LHX6: variants seen among roughly 807,000 people sequenced by gnomAD.
LHX6 encodes LIM homeobox 6.
A neutral mutation model predicts 47.1 loss-of-function variants in LHX6; 15 were observed. That is an observed-to-expected ratio of 0.32 (90% confidence interval 0.21 to 0.49). LHX6 has a LOEUF of 0.49. LHX6 is among the 20% of genes least tolerant of loss of function. The pLI, the probability that LHX6 is intolerant of heterozygous loss-of-function variation, is 0.99. For synonymous variants in LHX6, 242 were observed against 233.5 expected, an observed-to-expected ratio of 1.04 and a Z score of -0.33; for missense variants, 404 against 539.6, an observed-to-expected ratio of 0.75 and a Z score of 2.49.
chr9:122,221,229 A>T (rs745843733), intron 4 of LHX6: 21 of 984,934 alleles, frequency 2.1e-5, no homozygotes, highest in Non-Finnish European at 2.5e-5. Flanking sequence ...AGAGGGGGAA[A>T]AAAAACCCAG....
chr9:122,224,273 C>G (rs1462404927), intron 4 of LHX6, among the ~76,000 whole-genome samples: 1 of 152,122 alleles, frequency 6.6e-6, no homozygotes, highest in African/African-American at 2.4e-5. Flanking sequence ...GATCTACCAG[C>G]CTTGGCCTCC....
intron 9 of LHX6, among the ~76,000 whole-genome samples, chr9:122,205,427 T>G (rs1046360005): frequency 6.6e-6 from 1 of 152,240 alleles, no homozygotes; most frequent in Non-Finnish European, 1.5e-5. Context: ...AGATCAGGAC[T>G]GTCTGTCCCT....
chr9:122,204,950 A>C (rs1830116818), intron 9 of LHX6, among the ~76,000 whole-genome samples, 170 bp from the exon 10 acceptor site: 1 of 152,062 alleles, frequency 6.6e-6, no homozygotes, highest in Non-Finnish European at 1.5e-5. Flanking sequence ...AACTCACTGC[A>C]CCTCTCTGAG....
At chr9:122,224,323 C>G (rs140973752) in intron 4 of LHX6, among the ~76,000 whole-genome samples, 1 of 152,104 alleles carries the variant, frequency 6.6e-6, no homozygotes, top group Non-Finnish European at 1.5e-5. Context: ...CCACACCCGG[C>G]CCATCTGGCA....
intron 4 of LHX6, chr9:122,221,390 C>T (rs1309305174): frequency 1.0e-6 from 1 of 985,664 alleles, no homozygotes; most frequent in East Asian, 1.1e-4. Flanking sequence ...GGCCGCTTCC[C>T]GCTCTGCGCT....
chr9:122,219,892 T>G (rs1830767003), intron 4 of LHX6, among the ~76,000 whole-genome samples: 1 of 152,182 alleles, frequency 6.6e-6, no homozygotes, highest in South Asian at 2.1e-4. Context: ...CGCCGCGTCC[T>G]CTCTCCGGGC....
intron 1 of LHX6, chr9:122,227,921 A>G (rs1831178123): frequency 8.8e-6 from 3 of 342,350 alleles, no homozygotes; most frequent in Non-Finnish European, 1.6e-5. Flanking sequence ...TTTTAATGGT[A>G]GTAATTAAAA....
At position 122,204,269 on chromosome 9, in the gene LHX6, A is replaced by T. The variant is rs565594336; in HGVS notation, c.*491T>A. ...TAGAACATAGCTTTCCTTTGGGGAC[A>T]TCCCACAAACACTGTAGAGTTTTCC... On this transcript the variant is annotated 3_prime_UTR_variant, in exon 10 of 10. Coordinates refer to ENST00000394319, the MANE Select transcript of LHX6 (RefSeq NM_014368.5). The T allele has an allele frequency of 6.1e-6, 1 of 163,782 alleles. No individual in the cohort carries two copies. Among genetic ancestry groups the T allele is most frequent in the East Asian group, 1.7e-4 (1 of 5,786 alleles). 10.1% of individuals were successfully genotyped at this position (163,782 alleles called of 1,614,324 possible). A position where few individuals can be genotyped will look rare whatever the true frequency, so the allele number is the denominator to read the frequency against.
chr9:122,210,150 C>T (rs1451495997), intron 8 of LHX6, among the ~76,000 whole-genome samples: 3 of 152,144 alleles, frequency 2.0e-5, no homozygotes, highest in Admixed American at 1.3e-4. Context: ...GATCTCCTGA[C>T]CTCATGATCT....
chr9:122,213,632 A>G lies in LHX6; in HGVS notation c.1028T>C (p.Met343Thr), dbSNP rs375958601. Reference sequence around the variant, plus strand: ...CTCAATGTAGCCGTGCAGGGTGACCATGCGCGCCCGCTCGGGGCTGCTGAA... The same window carrying G: ...CTCAATGTAGCCGTGCAGGGTGACCGTGCGCGCCCGCTCGGGGCTGCTGAA... ...TPFSSPERARMVTLHGYIESQ... is the reference protein window; with the variant it reads ...TPFSSPERARTVTLHGYIESQ... Residue 343 changes from methionine to threonine, a missense_variant, in exon 8 of 10, where the codon ATG (methionine) becomes ACG (threonine). By Grantham distance (81) the Met-to-Thr change is moderately conservative. Around this residue, in one of 7 missense-constraint regions of LHX6, gnomAD observed 127 missense variants for 116.1 expected, o/e 1.09. Transcript: ENST00000394319. This position sits in a 1 kb window ranked among gnomAD's most constrained non-coding sequence, Gnocchi z 5.5. 244 of 1,606,336 alleles carry G rather than the reference A, an allele frequency of 1.5e-4. No individual in the cohort carries two copies. The highest frequency in any genetic ancestry group is 1.9e-4 in the Non-Finnish European group (218 of 1,176,908).
At chr9:122,227,559 G>C in intron 1 of LHX6, 79 bp from the exon 2 acceptor site, 10 of 1,441,476 alleles carry the variant, frequency 6.9e-6, no homozygotes, top group Non-Finnish European at 9.1e-6. Context: ...GCGCCTCCCC[G>C]CGCCTGTTAT....
intron 1 of LHX6, 164 bp downstream of exon 1, chr9:122,228,493 C>A: frequency 7.5e-7 from 1 of 1,338,004 alleles, no homozygotes; most frequent in Non-Finnish European, 9.5e-7. Flanking sequence ...GCGACCCCCC[C>A]CCCCCGCTCG....
Position 122,213,581 on chromosome 9 carries a change from G to A in LHX6, c.1054+25C>T, listed in dbSNP as rs1830470704. 2.0e-6 allele frequency: 3 copies of A among 1,532,022 alleles called. No individual in the cohort carries two copies. Among genetic ancestry groups the A allele is most frequent in the African/African-American group, 1.4e-5 (1 of 72,946 alleles). The allele number at this position is 1,532,022 out of a possible 1,614,324, so 94.9% of individuals were successfully genotyped here. ...CGCGCCCCCTCCCCGCAGGCCCAGCGGCTCCCGGCGCTGCGGTTACTTACT... is the reference window on the plus strand; with the variant it reads ...CGCGCCCCCTCCCCGCAGGCCCAGCAGCTCCCGGCGCTGCGGTTACTTACT... On this transcript the variant is annotated intron_variant, in intron 8 of 9. Transcript: ENST00000394319. This position sits in a 1 kb window ranked among gnomAD's most constrained non-coding sequence, Gnocchi z 5.5.
At position 122,214,469 on chromosome 9, in the gene LHX6, C is replaced by G; in HGVS notation, c.683-86G>C. 7.0e-7 allele frequency: 1 copy of G among 1,418,874 alleles called. No individual in the cohort carries two copies. The highest frequency in any genetic ancestry group is 9.2e-7 in the Non-Finnish European group (1 of 1,091,008). 87.9% of individuals were successfully genotyped at this position (1,418,874 alleles called of 1,614,324 possible). The stretch of plus-strand genomic sequence containing the variant: ...GGACGGGGGTGGGGGGAGCTTGTCC[C>G]TGGAAGGGTCAGGAGCGGGAGTTGG... On this transcript the variant is annotated intron_variant, in intron 5 of 9. Transcript: ENST00000394319. This position sits in a 1 kb window ranked among gnomAD's most constrained non-coding sequence, Gnocchi z 4.6.
rs963857524 is a variant in LHX6 at position 122,208,874 on chromosome 9, A to G, written c.1158+740T>C. Among the ~76,000 whole-genome samples the G allele has an allele frequency of 9.3e-5, 14 of 149,822 alleles. No individual in the cohort carries two copies. In the East Asian group the frequency reaches 1.2e-3, roughly 13 times the overall value. ...AAAAAAAAAGCAAGGTTCTCATCCA[A>G]TCTCTGACTTTGAGCTATCTGGGCC... On this transcript the variant is annotated intron_variant, in intron 9 of 9. Coordinates refer to ENST00000394319, the MANE Select transcript of LHX6 (RefSeq NM_014368.5).
rs1328559984 is a variant in LHX6 at position 122,213,084 on chromosome 9, G to A, written c.1054+522C>T. ...CGATGCTTTCTGGGCCAGGGCCTGCGTGCATTCCGTTCCCCCACTCCAGGT... is the reference window on the plus strand; with the variant it reads ...CGATGCTTTCTGGGCCAGGGCCTGCATGCATTCCGTTCCCCCACTCCAGGT... On this transcript the variant is annotated intron_variant, in intron 8 of 9. Transcript: ENST00000394319. This position sits in a 1 kb window ranked among gnomAD's most constrained non-coding sequence, Gnocchi z 5.5. 2.0e-5 allele frequency among the ~76,000 whole-genome samples: 3 copies of A among 151,870 alleles called. No individual in the cohort carries two copies. Among genetic ancestry groups the A allele is most frequent in the Admixed American group, 1.3e-4 (2 of 15,246 alleles).
intron 4 of LHX6, among the ~76,000 whole-genome samples, chr9:122,220,722 G>T (rs896280788): frequency 1.1e-4 from 17 of 152,214 alleles, no homozygotes; most frequent in Non-Finnish European, 2.5e-4. Context: ...TTGGGGAGAG[G>T]TGTTACTGCT....
In LHX6 at chr9:122,214,559, G is replaced by A. The variant is rs898532811; in HGVS notation, c.683-176C>T. ...GTCTTTGGGGAAGGGGTTTCTGAGC[G>A]TCCGCTTAGTACTGGACACTTCTTA... On this transcript the variant is annotated intron_variant, in intron 5 of 9. Coordinates refer to ENST00000394319, the MANE Select transcript of LHX6 (RefSeq NM_014368.5). The surrounding 1 kb of genome is among the most constrained non-coding windows in gnomAD (Gnocchi z 4.6). 16 of 482,900 alleles carry A rather than the reference G, an allele frequency of 3.3e-5. No individual in the cohort carries two copies. Among genetic ancestry groups the A allele is most frequent in the Non-Finnish European group, 4.3e-5 (16 of 370,738 alleles). The allele number at this position is 482,900 out of a possible 1,614,324, so 29.9% of individuals were successfully genotyped here.
chr9:122,211,331 A>G (rs1264323341), intron 8 of LHX6, among the ~76,000 whole-genome samples: 3 of 152,206 alleles, frequency 2.0e-5, no homozygotes, highest in Non-Finnish European at 4.4e-5. Context: ...GTGTTCAAGG[A>G]GTCCATATAC....
Sources: gnomAD v4.1 joint callset for allele counts (sites outside exome capture counted in the v4.1 genomes callset) on GRCh38, gnomAD v4.1.1 for gene constraint, gnomAD v4.1.1 regional missense constraint, Gnocchi (gnomAD v3.1) non-coding constraint, MANE v1.5 for transcripts, NCBI Gene and HGNC (gene_info 2026-07-23, HGNC 2026-07-21) for gene names.